FER1L6: variants seen among roughly 807,000 people sequenced by gnomAD.
FER1L6 encodes the protein fer-1 like family member 6.
A neutral mutation model predicts 219.2 loss-of-function variants in FER1L6; 177 were observed. That is an observed-to-expected ratio of 0.81 (90% confidence interval 0.71 to 0.91). FER1L6 has a LOEUF of 0.91. Ranked by LOEUF, FER1L6 falls within the 40% of genes least tolerant of loss-of-function variation. The pLI is 0.00. For synonymous variants in FER1L6, 768 were observed against 824.3 expected (o/e 0.93, Z 1.17); for missense variants, 2,153 against 2,259.9 (o/e 0.95, Z 0.96).
At chr8:124,061,258 A>G (rs1039155148) in intron 24 of FER1L6, among the ~76,000 whole-genome samples, 4 of 152,200 alleles carry the variant, frequency 2.6e-5, no homozygotes. Context: ...ATTTATTTCA[A>G]TATTTCAGCA....
At chr8:123,897,342 A>G (rs552969374) in intron 1 of FER1L6, among the ~76,000 whole-genome samples, 27 of 152,138 alleles carry the variant, frequency 1.8e-4, no homozygotes, top group African/African-American at 6.0e-4. Context: ...CCCAGCTGTA[A>G]AATGGGGCCA....
At chr8:123,990,701 T>A (rs1816816726) in intron 12 of FER1L6, among the ~76,000 whole-genome samples, 1 of 152,240 alleles carries the variant, frequency 6.6e-6, no homozygotes, top group African/African-American at 2.4e-5. Flanking sequence ...TCTTTTGCTG[T>A]GTGGAAGCTT....
At position 124,015,607 on chromosome 8, in the gene FER1L6, A is replaced by ATATATATATATATATATG. The variant is rs71289634; in HGVS notation, c.1923-2012_1923-2011insATATATATGTATATATAT. On this transcript the variant is annotated intron_variant, in intron 15 of 40. Coordinates refer to ENST00000522917, the MANE Select transcript of FER1L6 (RefSeq NM_001039112.2). ...TATATATATATATATATATATATATATATATATATTACTCCTGCTGTGAGC... is the reference window on the plus strand; with the variant it reads ...TATATATATATATATATATATATATATATATATATATATATATGTATATATATTACTCCTGCTGTGAGC... 2.1e-3 allele frequency among the ~76,000 whole-genome samples: 186 copies of ATATATATATATATATATG among 88,572 alleles called. 14 individuals carry two copies. Among genetic ancestry groups the ATATATATATATATATATG allele is most frequent in the Middle Eastern group, 6.2e-3 (1 of 162 alleles). The allele number at this position is 88,572 out of a possible 152,430, so 58.1% of individuals were successfully genotyped here.
At chr8:124,116,763 AACATACTG>A (rs1276138788) in intron 39 of FER1L6, among the ~76,000 whole-genome samples, 41 of 152,352 alleles carry the variant, frequency 2.7e-4, no homozygotes, top group African/African-American at 9.4e-4. Flanking sequence ...CTTAGTGTAT[AACATACTG>A]CTCAGCAGAG....
At chr8:123,981,638 C>T (rs1374095140) in intron 11 of FER1L6, among the ~76,000 whole-genome samples, 4 of 152,074 alleles carry the variant, frequency 2.6e-5, no homozygotes, top group African/African-American at 4.8e-5. Context: ...CAGCAGGTCA[C>T]CTTAGCCTTG....
Position 124,061,833 on chromosome 8 carries a change from T to C in FER1L6, c.3148-19T>C. 1.2e-6 allele frequency: 2 copies of C among 1,612,244 alleles called. No individual in the cohort carries two copies. Among genetic ancestry groups the C allele is most frequent in the Non-Finnish European group, 1.7e-6 (2 of 1,179,718 alleles). ...GAAGGGTCACCAGGCCCCTTCTTCA[T>C]CTCATCCTCTCTCTGCAGGAACTGC... On this transcript the variant is annotated intron_variant, in intron 24 of 40. Coordinates refer to ENST00000522917, the MANE Select transcript of FER1L6 (RefSeq NM_001039112.2).
chr8:124,039,818 CAT>C, intron 19 of FER1L6, 62 bp from the exon 20 acceptor site: 8 of 1,604,222 alleles, frequency 5.0e-6, no homozygotes, highest in Admixed American at 1.7e-5. Flanking sequence ...CACAGACACA[CAT>C]GTGCACACAC....
At chr8:124,045,630 C>G in intron 20 of FER1L6, 137 bp from the exon 21 acceptor site, 3 of 943,326 alleles carry the variant, frequency 3.2e-6, no homozygotes, top group South Asian at 3.1e-5. Context: ...TTTACATAGT[C>G]ACTTGAATAT....
intron 13 of FER1L6, among the ~76,000 whole-genome samples, chr8:124,006,941 C>T (rs1817681287): frequency 6.6e-6 from 1 of 152,174 alleles, no homozygotes; most frequent in Non-Finnish European, 1.5e-5. Context: ...AACCTTGAGA[C>T]AAAGCAAAAT....
At chr8:124,085,499 T>C (rs1161757919) in intron 33 of FER1L6, among the ~76,000 whole-genome samples, 2 of 152,206 alleles carry the variant, frequency 1.3e-5, no homozygotes, top group Non-Finnish European at 2.9e-5. Flanking sequence ...TTCAGGAGCA[T>C]ATTGTTTAAT....
chr8:123,856,010 G>T (rs965590173), intron 1 of FER1L6, among the ~76,000 whole-genome samples: 44 of 125,734 alleles, frequency 3.5e-4, no homozygotes, highest in Non-Finnish European at 6.0e-4. Context: ...ATGTATATGA[G>T]ATATATGTAT....
chr8:124,000,060 G>A (rs4563870), intron 12 of FER1L6, among the ~76,000 whole-genome samples: 8,528 of 152,256 alleles, frequency 0.056, 560 homozygotes, highest in African/African-American at 0.16. Flanking sequence ...ACTTAGGATG[G>A]ATGATTTGCT....
chr8:124,083,414 C>T (rs57265559), intron 33 of FER1L6, among the ~76,000 whole-genome samples: 5,287 of 152,114 alleles, frequency 0.035, 295 homozygotes, highest in African/African-American at 0.12. Flanking sequence ...TGATGAGACA[C>T]AGGGATCTAC....
intron 1 of FER1L6, among the ~76,000 whole-genome samples, chr8:123,912,193 A>G (rs945080348): frequency 6.6e-6 from 1 of 152,124 alleles, no homozygotes; most frequent in Admixed American, 6.5e-5. Flanking sequence ...AATTCTCACA[A>G]TTAAACTGCA....
intron 1 of FER1L6, among the ~76,000 whole-genome samples, chr8:123,950,140 G>A (rs969393990): frequency 3.3e-5 from 5 of 152,212 alleles, no homozygotes; most frequent in African/African-American, 9.6e-5. Context: ...TTAGGCTGCG[G>A]TGGGGGCGTC....
At chr8:124,048,411 C>T (rs190632495) in intron 21 of FER1L6, among the ~76,000 whole-genome samples, 2 of 152,330 alleles carry the variant, frequency 1.3e-5, no homozygotes, top group East Asian at 1.9e-4. Flanking sequence ...TCTAGCAGTT[C>T]TTGAGACAAA....
chr8:124,115,049 G>A (rs1050938519), intron 39 of FER1L6, among the ~76,000 whole-genome samples: 1 of 151,316 alleles, frequency 6.6e-6, no homozygotes, highest in Non-Finnish European at 1.5e-5. Context: ...CTGAAGGCAT[G>A]TCCATTCCAA....
intron 1 of FER1L6, 47 bp from the exon 2 acceptor site, chr8:123,955,945 T>A: frequency 6.5e-7 from 1 of 1,540,140 alleles, no homozygotes; most frequent in South Asian, 1.2e-5. Flanking sequence ...CTAACACGTC[T>A]AAATGACTCA....
At position 124,111,027 on chromosome 8, in the gene FER1L6, T is replaced by C. The variant is rs1823002887; in HGVS notation, c.5289+7718T>C. Among the ~76,000 whole-genome samples, 1 of 152,062 alleles carries C rather than the reference T, an allele frequency of 6.6e-6. No individual in the cohort carries two copies. The highest frequency in any genetic ancestry group is 1.5e-5 in the Non-Finnish European group (1 of 68,010). On this transcript the variant is annotated intron_variant, in intron 39 of 40. Transcript: ENST00000522917. The surrounding 1 kb of genome is among the most constrained non-coding windows in gnomAD (Gnocchi z 5.0). ...AACTGGGGTATAGGGTGCTATTCTC[T>C]CGATGTTTACATTTGAAGGAGATGG...
Sources: gnomAD v4.1 joint callset for allele counts (sites outside exome capture counted in the v4.1 genomes callset) on GRCh38, gnomAD v4.1.1 for gene constraint, Gnocchi (gnomAD v3.1) non-coding constraint, MANE v1.5 for transcripts, NCBI Gene and HGNC (gene_info 2026-07-23, HGNC 2026-07-21) for gene names.